The following VPS16 variants were observed in gnomAD, a reference collection of about 807,000 sequenced individuals.
VPS16 encodes VPS16 core subunit of CORVET and HOPS complexes.
A neutral mutation model predicts 116.0 loss-of-function variants in VPS16; 82 were observed. That is an observed-to-expected ratio of 0.71 (90% confidence interval 0.59 to 0.85). The LOEUF is 0.85. Ranked by LOEUF, VPS16 falls within the 40% of genes least tolerant of loss-of-function variation. The pLI is 0.00. For synonymous variants in VPS16, 406 were observed against 420.7 expected, an observed-to-expected ratio of 0.96 and a Z score of 0.43; for missense variants, 928 against 1,090.6, an observed-to-expected ratio of 0.85 and a Z score of 2.10.
rs758919961 is a variant in VPS16 at position 2,863,242 on chromosome 20, T to C, written c.1368-48T>C. ...GCAGGCTGAGGCCACTCTGCTCCCT[T>C]TCTCCTCCACCTCACTCCTTGTATC... is the stretch of plus-strand genomic sequence containing the variant. On this transcript the variant is annotated intron_variant, in intron 14 of 23. Coordinates refer to ENST00000380445, the MANE Select transcript of VPS16 (RefSeq NM_022575.4). This position sits in a 1 kb window ranked among gnomAD's most constrained non-coding sequence, Gnocchi z 4.4. 4.0e-5 allele frequency: 64 copies of C among 1,612,714 alleles called. 1 individual carries two copies. In the South Asian group the frequency reaches 6.5e-4, roughly 16 times the overall value.
In VPS16 at chr20:2,863,471, T is replaced by A. The variant is rs1490362662; in HGVS notation, c.1476+73T>A. 3 of 1,489,874 alleles carry A rather than the reference T, an allele frequency of 2.0e-6. No individual in the cohort carries two copies. In the East Asian group the frequency reaches 6.8e-5, roughly 34 times the overall value. 92.3% of individuals were successfully genotyped at this position (1,489,874 alleles called of 1,614,324 possible). ...CTGGTGAGGTGGAGGAAATAGAAAGTGTAGAACTGCGCTGGGCACGGTGGC... is the reference window on the plus strand; with the variant it reads ...CTGGTGAGGTGGAGGAAATAGAAAGAGTAGAACTGCGCTGGGCACGGTGGC... On this transcript the variant is annotated intron_variant, in intron 15 of 23. Transcript: ENST00000380445. This position sits in a 1 kb window ranked among gnomAD's most constrained non-coding sequence, Gnocchi z 4.4.
In VPS16 at chr20:2,865,422, C is replaced by T. The variant is rs961096193; in HGVS notation, c.2198C>T (p.Ala733Val). 3.1e-6 allele frequency: 5 copies of T among 1,614,070 alleles called. No homozygotes were observed. In the African/African-American group the frequency reaches 6.7e-5, roughly 22 times the overall value. The change falls in exon 22 of 24, where the codon GCC (alanine) becomes GTC (valine). Residue 733 changes from alanine (A) to valine (V), a missense_variant. Coordinates refer to ENST00000380445, the MANE Select transcript of VPS16 (RefSeq NM_022575.4). This position sits in a 1 kb window ranked among gnomAD's most constrained non-coding sequence, Gnocchi z 5.2. ...DKRLWWLKLTALADLEDWEEL... is the reference protein window; with the variant it reads ...DKRLWWLKLTVLADLEDWEEL... Reference sequence around the variant, plus strand: ...AGGCTCTGGTGGCTGAAGCTGACTGCCCTGGCAGATTTGGAAGATTGGGAA... The same window carrying T: ...AGGCTCTGGTGGCTGAAGCTGACTGTCCTGGCAGATTTGGAAGATTGGGAA...
intron 1 of VPS16, among the ~76,000 whole-genome samples, chr20:2,849,720 C>T (rs2089099108): frequency 6.6e-6 from 1 of 152,108 alleles, no homozygotes; most frequent in South Asian, 2.1e-4. Context: ...TGTTCAAGTG[C>T]ACTCAAAACA....
intron 1 of VPS16, among the ~76,000 whole-genome samples, chr20:2,846,853 C>A (rs114556558): frequency 0.026 from 3,908 of 152,234 alleles, 140 homozygotes; most frequent in African/African-American, 0.076. Context: ...TTGAGGCTAC[C>A]GGTACCTCAC....
rs200592175 is a variant in VPS16, at chr20:2,864,131, G to A, written c.1611+48G>A. ...AGACACTCTGATGTGGTTGTTCAGG[G>A]CCCCCATGCCAGCTCCTTCTCTCTG... On this transcript the variant is annotated intron_variant, in intron 16 of 23. Coordinates refer to ENST00000380445, the MANE Select transcript of VPS16 (RefSeq NM_022575.4). The surrounding 1 kb of genome is among the most constrained non-coding windows in gnomAD (Gnocchi z 5.2). 1.5e-5 allele frequency: 24 copies of A among 1,613,780 alleles called. No individual in the cohort carries two copies. The East Asian group carries it at 5.3e-4, about 36-fold the overall frequency.
chr20:2,854,584 A>G (rs2089153678), intron 1 of VPS16, among the ~76,000 whole-genome samples: 1 of 152,070 alleles, frequency 6.6e-6, no homozygotes, highest in African/African-American at 2.4e-5. Context: ...ACTTGAGGTC[A>G]GGAGTTCGAG....
In VPS16 at chr20:2,860,618, G is replaced by A. The variant is rs756668566; in HGVS notation, c.514+25G>A. On this transcript the variant is annotated intron_variant, in intron 5 of 23. Coordinates refer to ENST00000380445, the MANE Select transcript of VPS16 (RefSeq NM_022575.4). This position sits in a 1 kb window ranked among gnomAD's most constrained non-coding sequence, Gnocchi z 6.1. ...GGTAAGCCCTGACACCGCTGAGATA[G>A]CCAAGCAGTACCCACAGATGTGCCT... 5.6e-6 allele frequency: 9 copies of A among 1,612,820 alleles called. No homozygotes were observed. The East Asian group carries it at 1.3e-4, about 24-fold the overall frequency.
chr20:2,864,635 C>A lies in VPS16; in HGVS notation c.1907C>A (p.Ala636Asp). The A allele has an allele frequency of 6.2e-7, 1 of 1,614,108 alleles. No homozygotes were observed. The highest frequency in any genetic ancestry group is 8.5e-7 in the Non-Finnish European group (1 of 1,180,022). ...GAATTGGGCAGCTTCCACATCCGAG[C>A]CAGCTATGCTGCAGAAGAGGTCTGA... ...HQELGSFHIR[A>D]SYAAEERIEG... The change falls in exon 19 of 24, where the codon GCC becomes GAC. Residue 636 changes from alanine (A) to aspartate (D), a missense_variant. Physicochemically the swap from Ala to Asp is moderately radical, Grantham distance 126. Coordinates refer to ENST00000380445, the MANE Select transcript of VPS16 (RefSeq NM_022575.4). This position sits in a 1 kb window ranked among gnomAD's most constrained non-coding sequence, Gnocchi z 5.2.
rs574121363 is a variant in VPS16, at chr20:2,854,013, T to G, written c.54-5706T>G. ...TCTTAATGGCATCTACAATGGTGAC[T>G]CCTTTCCAGCTGAGATTGCACCACT... On this transcript the variant is annotated intron_variant, in intron 1 of 23. Coordinates refer to ENST00000380445, the MANE Select transcript of VPS16 (RefSeq NM_022575.4). Among the ~76,000 whole-genome samples the G allele has an allele frequency of 3.9e-5, 6 of 152,236 alleles. No individual in the cohort carries two copies. In the South Asian group the frequency reaches 1.2e-3, roughly 32 times the overall value.
chr20:2,863,962 A>C lies in VPS16; in HGVS notation c.1490A>C (p.Asp497Ala). The change falls in exon 16 of 24, where the codon GAT becomes GCT. Residue 497 changes from aspartate (D) to alanine (A), a missense_variant. Asp to Ala is a moderately radical substitution (Grantham distance 126). Coordinates refer to ENST00000380445, the MANE Select transcript of VPS16 (RefSeq NM_022575.4). This position sits in a 1 kb window ranked among gnomAD's most constrained non-coding sequence, Gnocchi z 4.4. Reference protein sequence around the residue: ...HWACYKVQQKDVSDEDVARAI... With the variant: ...HWACYKVQQKAVSDEDVARAI... ...CATCCCTTGCAGGTGCAACAGAAGG[A>C]TGTCTCAGATGAGGATGTGGCTCGA... 1 of 1,613,868 alleles carries C rather than the reference A, an allele frequency of 6.2e-7. No individual in the cohort carries two copies. Among genetic ancestry groups the C allele is most frequent in the Non-Finnish European group, 8.5e-7 (1 of 1,179,832 alleles).
chr20:2,864,162 T>G lies in VPS16; in HGVS notation c.1612-17T>G, dbSNP rs777204324. On this transcript the variant is annotated splice_polypyrimidine_tract_variant and intron_variant, in intron 16 of 23. Transcript: ENST00000380445. The surrounding 1 kb of genome is among the most constrained non-coding windows in gnomAD (Gnocchi z 5.2). ...ATGCCAGCTCCTTCTCTCTGTGCCTTCCTTCTCACCTCACAGCTGCTGGAG... is the reference window on the plus strand; with the variant it reads ...ATGCCAGCTCCTTCTCTCTGTGCCTGCCTTCTCACCTCACAGCTGCTGGAG... The G allele has an allele frequency of 3.3e-5, 53 of 1,614,076 alleles. No homozygotes were observed. Among genetic ancestry groups the G allele is most frequent in the South Asian group, 5.5e-5 (5 of 91,086 alleles).
Position 2,860,838 on chromosome 20 carries a change from T to C in VPS16, c.605T>C (p.Leu202Ser), listed in dbSNP as rs368776853. The C allele has an allele frequency of 5.0e-6, 8 of 1,614,004 alleles. No individual in the cohort carries two copies. The African/African-American group carries it at 1.1e-4, about 22-fold the overall frequency. The change falls in exon 6 of 24, where the codon TTG becomes TCG. Residue 202 changes from leucine to serine, a missense_variant. By Grantham distance (145) the Leu-to-Ser change is moderately radical (BLOSUM62 -2). Coordinates refer to ENST00000380445, the MANE Select transcript of VPS16 (RefSeq NM_022575.4). This position sits in a 1 kb window ranked among gnomAD's most constrained non-coding sequence, Gnocchi z 6.1. ...GCTGTGGGGCCTGACCTTTACCTCT[T>C]GGACCATGCAGCCTGCTCCGCAGTG... ...LLAVGPDLYL[L>S]DHAACSAVTP... is the part of the protein sequence containing the mutation.
chr20:2,842,659 T>TAC (rs1316920730), intron 1 of VPS16, among the ~76,000 whole-genome samples: 17 of 77,068 alleles, frequency 2.2e-4, no homozygotes, highest in South Asian at 3.9e-4. Context: ...TATAGATAGA[T>TAC]ATATAGATGT....
In VPS16 at chr20:2,864,350, C is replaced by G. The variant is rs760627508; in HGVS notation, c.1721-15C>G. On this transcript the variant is annotated splice_polypyrimidine_tract_variant and intron_variant, in intron 17 of 23. Transcript: ENST00000380445. The surrounding 1 kb of genome is among the most constrained non-coding windows in gnomAD (Gnocchi z 5.2). ...AGCCTGGCTGGAATTCCCACTCCAC[C>G]TTACTCTCCTGCAGTGTTCACGGTG... 1.9e-6 allele frequency: 3 copies of G among 1,614,024 alleles called. No individual in the cohort carries two copies. Among genetic ancestry groups the G allele is most frequent in the Middle Eastern group, 3.3e-4 (2 of 6,082 alleles).
chr20:2,846,413 G>A (rs12481376), intron 1 of VPS16, among the ~76,000 whole-genome samples: 3,108 of 151,996 alleles, frequency 0.02, 99 homozygotes, highest in African/African-American at 0.058. Context: ...CATTGCACCC[G>A]GCCTCTGTAC....
rs1204478997 is a variant in VPS16, at chr20:2,862,666, G to A, written c.1159G>A (p.Ala387Thr). The change falls in exon 12 of 24, where the codon GCA becomes ACA. Residue 387 changes from alanine (A) to threonine (T), a missense_variant. Coordinates refer to ENST00000380445, the MANE Select transcript of VPS16 (RefSeq NM_022575.4). ...TQAVQQCIEA[A>T]GHEHQPDMQK... ...GGCCGTGCAGCAGTGCATTGAGGCTGCAGGACATGAGCACCAGCCAGACAT... is the reference window on the plus strand; with the variant it reads ...GGCCGTGCAGCAGTGCATTGAGGCTACAGGACATGAGCACCAGCCAGACAT... The A allele has an allele frequency of 3.7e-6, 6 of 1,611,256 alleles. No homozygotes were observed. The highest frequency in any genetic ancestry group is 5.1e-6 in the Non-Finnish European group (6 of 1,179,354).
chr20:2,845,595 AAAG>A (rs886607584), intron 1 of VPS16, among the ~76,000 whole-genome samples: 10 of 152,184 alleles, frequency 6.6e-5, no homozygotes, highest in South Asian at 2.1e-4. Flanking sequence ...TGAAAAAAAA[AAAG>A]AACATTTTAA....
intron 1 of VPS16, among the ~76,000 whole-genome samples, chr20:2,857,754 A>G (rs1052088659): frequency 6.6e-6 from 1 of 151,186 alleles, no homozygotes; most frequent in Non-Finnish European, 1.5e-5. Flanking sequence ...CTTGCTCCCC[A>G]GGCTGGAGTG....
rs146190082 is a variant in VPS16 at position 2,860,893 on chromosome 20, C to T, written c.630+30C>T. 513 of 1,614,008 alleles carry T rather than the reference C, an allele frequency of 3.2e-4. No individual in the cohort carries two copies. The highest frequency in any genetic ancestry group is 1.4e-3 in the African/African-American group (104 of 75,054). The stretch of plus-strand genomic sequence containing the variant: ...GGGCCCTGAGTGGGAATGAAGTGGA[C>T]GGGCTGGGTTAGGCAATAGGGAGGT... On this transcript the variant is annotated intron_variant, in intron 6 of 23. Coordinates refer to ENST00000380445, the MANE Select transcript of VPS16 (RefSeq NM_022575.4). This position sits in a 1 kb window ranked among gnomAD's most constrained non-coding sequence, Gnocchi z 6.1.
Sources: gnomAD v4.1 joint callset for allele counts (sites outside exome capture counted in the v4.1 genomes callset) on GRCh38, gnomAD v4.1.1 for gene constraint, Gnocchi (gnomAD v3.1) non-coding constraint, MANE v1.5 for transcripts, NCBI Gene and HGNC (gene_info 2026-07-23, HGNC 2026-07-21) for gene names.